The following UNC80 variants were observed in gnomAD, a reference collection of about 807,000 sequenced individuals.
The protein encoded by UNC80 is unc-80 subunit of NALCN channel complex.
Under a neutral mutation model 384.6 loss-of-function variants are expected in UNC80, and 164 were observed. The observed-to-expected ratio is 0.43, with a 90% CI of 0.38 to 0.49. UNC80 has a LOEUF of 0.49. UNC80 is among the 20% of genes least tolerant of loss of function. The pLI, the probability that UNC80 is intolerant of heterozygous loss-of-function variation, is 0.00. For synonymous variants in UNC80, 1,486 were observed against 1,527.8 expected (o/e 0.97, Z 0.64); for missense variants, 3,330 against 4,143.0 (o/e 0.80, Z 5.39).
chr2:209,867,172 T>C (rs2083900652), intron 22 of UNC80, among the ~76,000 whole-genome samples: 2 of 152,242 alleles, frequency 1.3e-5, no homozygotes, highest in South Asian at 4.1e-4. Context: ...AACATCAGCA[T>C]CACTTGTGAG....
chr2:209,813,499 A>T, intron 7 of UNC80, 81 bp from the exon 8 acceptor site: 2 of 1,384,438 alleles, frequency 1.4e-6, no homozygotes, highest in Non-Finnish European at 1.9e-6. Context: ...AAATGAGAAA[A>T]GTAGAGCTAT....
At chr2:209,954,925 C>A (rs937894120) in intron 48 of UNC80, among the ~76,000 whole-genome samples, 24 of 152,002 alleles carry the variant, frequency 1.6e-4, no homozygotes, top group African/African-American at 5.6e-4. Context: ...TGCTTGGGTG[C>A]CGAAGCAGAG....
At position 209,945,090 on chromosome 2, in the gene UNC80, C is replaced by T. The variant is rs1280770275; in HGVS notation, c.7090C>T (p.Gln2364Ter). The change falls in exon 46 of 65, where the codon CAG (glutamine) becomes TAG (stop). Residue 2364 changes from glutamine (Q) to a stop codon, truncating the protein, a stop_gained. Transcript: ENST00000673920. LOFTEE classifies it high-confidence loss of function. ...NNGPSKGVSAQCLFDLLQSLE... is the reference protein window; with the variant it reads ...NNGPSKGVSA ...TGGGCCCAGCAAAGGTGTGTCAGCT[C>T]AGTGCCTGTTTGACTTGCTGCAGTC... is the stretch of plus-strand genomic sequence containing the variant. 1.9e-6 allele frequency: 3 copies of T among 1,551,708 alleles called. No homozygotes were observed. The highest frequency in any genetic ancestry group is 1.7e-6 in the Non-Finnish European group (2 of 1,146,916).
chr2:209,969,752 C>T lies in UNC80; in HGVS notation c.8007-16C>T. ...AAGGGAGCCAAGACGCTAATGGCGCCTATATTGTATTCCAGGCGACAGGTT... is the reference window on the plus strand; with the variant it reads ...AAGGGAGCCAAGACGCTAATGGCGCTTATATTGTATTCCAGGCGACAGGTT... On this transcript the variant is annotated splice_polypyrimidine_tract_variant and intron_variant, in intron 52 of 64. Transcript: ENST00000673920. The T allele has an allele frequency of 6.4e-7, 1 of 1,551,502 alleles. No homozygotes were observed. The highest frequency in any genetic ancestry group is 8.7e-7 in the Non-Finnish European group (1 of 1,146,906).
chr2:209,797,868 G>T (rs1404655518), intron 7 of UNC80, among the ~76,000 whole-genome samples: 2 of 152,114 alleles, frequency 1.3e-5, no homozygotes, highest in African/African-American at 2.4e-5. Flanking sequence ...GGCATGAGAT[G>T]GTATCTCATT....
chr2:209,937,020 C>T (rs1436744277), intron 41 of UNC80, 87 bp downstream of exon 41: 6 of 916,726 alleles, frequency 6.5e-6, no homozygotes, highest in Admixed American at 2.2e-5. Context: ...AGGGAGGCAT[C>T]GCTGTTTAGA....
In UNC80 at chr2:209,935,632, GATA is replaced by G. The variant is rs1162429830; in HGVS notation, c.6179-78_6179-76del. 6.7e-6 allele frequency: 4 copies of G among 599,742 alleles called. No homozygotes were observed. In the South Asian group the frequency reaches 1.1e-4, roughly 16 times the overall value. The allele number at this position is 599,742 out of a possible 1,614,324, so 37.2% of individuals were successfully genotyped here. A position where few individuals can be genotyped will look rare whatever the true frequency, so the allele number is the denominator to read the frequency against. On this transcript the variant is annotated intron_variant, in intron 39 of 64. Coordinates refer to ENST00000673920, the MANE Select transcript of UNC80 (RefSeq NM_001371986.1). ...TTAACAGTAAAAACATCAGCTTATTGATAATATTTTAATATTTTATGCTTTAAA... is the reference window on the plus strand; with the variant it reads ...TTAACAGTAAAAACATCAGCTTATTGATATTTTAATATTTTATGCTTTAAA...
rs1279993004 is a variant in UNC80, at chr2:209,959,609, C to T, written c.7707C>T (p.Phe2569=). ...RESLLNICTE[F]YKHCGPRLKI... ...CCTTACTGAATATTTGCACTGAGTT[C>T]TATAAGCACTGTGGGCCACGGCTGA... Residue 2569 remains phenylalanine (F), a synonymous_variant, in exon 51 of 65, where the codon TTC becomes TTT. Coordinates refer to ENST00000673920, the MANE Select transcript of UNC80 (RefSeq NM_001371986.1). 3 of 1,551,574 alleles carry T rather than the reference C, an allele frequency of 1.9e-6. No homozygotes were observed. Among genetic ancestry groups the T allele is most frequent in the Non-Finnish European group, 2.6e-6 (3 of 1,146,984 alleles).
Position 209,814,810 on chromosome 2 carries a change from A to G in UNC80, c.1201-447A>G, listed in dbSNP as rs576144612. Among the ~76,000 whole-genome samples the G allele has an allele frequency of 2.6e-5, 4 of 152,276 alleles. No homozygotes were observed. In the South Asian group the frequency reaches 8.3e-4, roughly 32 times the overall value. On this transcript the variant is annotated intron_variant, in intron 8 of 64. Transcript: ENST00000673920. The stretch of plus-strand genomic sequence containing the variant: ...GTTGTTTGGATTTACTTAAATGTGA[A>G]TTGGCTGAGTCTGAAATTTTTTTCT...
In UNC80 at chr2:209,872,848, A is replaced by G; in HGVS notation, c.3718A>G (p.Lys1240Glu). The change falls in exon 23 of 65, where the codon AAA (lysine) becomes GAA (glutamate). Residue 1240 changes from lysine (K) to glutamate (E), a missense_variant. Lys to Glu is a moderately conservative substitution (Grantham distance 56, BLOSUM62 1). Around this residue, in one of 8 missense-constraint regions of UNC80, gnomAD observed 801 missense variants for 950.8 expected, o/e 0.84. Coordinates refer to ENST00000673920, the MANE Select transcript of UNC80 (RefSeq NM_001371986.1). The surrounding 1 kb of genome is among the most constrained non-coding windows in gnomAD (Gnocchi z 4.1). ...CNRGNWPEWM[K>E]GHHVNITKKG... Reference sequence around the variant, plus strand: ...CCGTGGCAACTGGCCAGAGTGGATGAAAGGGCACCACGTGAACATCACCAA... The same window carrying G: ...CCGTGGCAACTGGCCAGAGTGGATGGAAGGGCACCACGTGAACATCACCAA... 1 of 1,551,460 alleles carries G rather than the reference A, an allele frequency of 6.4e-7. No homozygotes were observed.
chr2:209,816,595 G>A (rs1186588856), intron 9 of UNC80, among the ~76,000 whole-genome samples: 1 of 152,180 alleles, frequency 6.6e-6, no homozygotes, highest in Non-Finnish European at 1.5e-5. Flanking sequence ...AATATAATAT[G>A]TCTGAGAATT....
At chr2:209,841,932 ATTACC>A (rs1308614162) in intron 20 of UNC80, among the ~76,000 whole-genome samples, 1 of 152,202 alleles carries the variant, frequency 6.6e-6, no homozygotes, top group Non-Finnish European at 1.5e-5. Context: ...CACTCTATAA[ATTACC>A]TTATACTGAT....
intron 7 of UNC80, among the ~76,000 whole-genome samples, chr2:209,799,085 GT>G (rs60812648): frequency 0.96 from 138,628 of 144,832 alleles, 66,535 homozygotes; most frequent in Non-Finnish European, 0.99. Flanking sequence ...TAAAATAAGT[GT>G]TTTTTTTTTT....
rs540877623 is a variant in UNC80 at position 209,837,404 on chromosome 2, A to G, written c.3042-1818A>G. Among the ~76,000 whole-genome samples the G allele has an allele frequency of 2.0e-5, 3 of 152,346 alleles. No individual in the cohort carries two copies. In the East Asian group the frequency reaches 5.8e-4, roughly 29 times the overall value. ...TAAAGGGAAAGTAGTTTAAAAATGGAAATACCACCAACTAGAGATAACCTC... is the reference window on the plus strand; with the variant it reads ...TAAAGGGAAAGTAGTTTAAAAATGGGAATACCACCAACTAGAGATAACCTC... On this transcript the variant is annotated intron_variant, in intron 18 of 64. Coordinates refer to ENST00000673920, the MANE Select transcript of UNC80 (RefSeq NM_001371986.1).
At chr2:209,993,956 T>A in intron 63 of UNC80, 109 bp from the exon 64 acceptor site, 1 of 989,836 alleles carries the variant, frequency 1.0e-6, no homozygotes, top group Non-Finnish European at 1.4e-6. Context: ...CCAGCAATGT[T>A]TTTATTTTAA....
chr2:209,903,841 A>G (rs1298307657), intron 28 of UNC80, among the ~76,000 whole-genome samples: 1 of 151,436 alleles, frequency 6.6e-6, no homozygotes, highest in African/African-American at 2.4e-5. Context: ...CATGGCTGCA[A>G]TCAACATATT....
chr2:209,863,781 A>G (rs571567088), intron 22 of UNC80, among the ~76,000 whole-genome samples: 73 of 151,856 alleles, frequency 4.8e-4, no homozygotes, highest in Middle Eastern at 3.4e-3. Context: ...CCATTATAAC[A>G]TGCTCCTTTA....
intron 22 of UNC80, among the ~76,000 whole-genome samples, chr2:209,869,983 A>G (rs575306520): frequency 6.6e-6 from 1 of 152,328 alleles, no homozygotes; most frequent in South Asian, 2.1e-4. Flanking sequence ...TTGTATCTAA[A>G]GAAGGCAAGC....
chr2:209,885,481 GAATT>G (rs1329551875), intron 25 of UNC80, among the ~76,000 whole-genome samples: 2 of 152,142 alleles, frequency 1.3e-5, no homozygotes, highest in Non-Finnish European at 1.5e-5. Flanking sequence ...TTGTGAATCA[GAATT>G]ATTATATGAT....
Sources: gnomAD v4.1 joint callset for allele counts (sites outside exome capture counted in the v4.1 genomes callset) on GRCh38, gnomAD v4.1.1 for gene constraint, gnomAD v4.1.1 regional missense constraint, Gnocchi (gnomAD v3.1) non-coding constraint, MANE v1.5 for transcripts, NCBI Gene and HGNC (gene_info 2026-07-23, HGNC 2026-07-21) for gene names.